Variants in WDR70 observed in about 807,000 individuals in gnomAD.
WDR70 encodes the protein WD repeat-containing protein 70.
In WDR70, 53 loss-of-function variants were observed where a neutral mutation model predicts 88.6. The ratio of observed to expected loss-of-function variants is 0.60; its 90% CI spans 0.48 to 0.75. The LOEUF (loss-of-function observed/expected upper bound fraction) is 0.75, where lower values mean the gene tolerates loss of function less well. WDR70 is among the 30% of genes least tolerant of loss of function. The probability of loss-of-function intolerance (pLI) is 0.00; values close to 1 mark genes in which losing one functional copy is unlikely to be tolerated. For synonymous variants in WDR70, 280 were observed against 270.0 expected, an observed-to-expected ratio of 1.04 and a Z score of -0.36; for missense variants, 610 against 823.2, an observed-to-expected ratio of 0.74 and a Z score of 3.17.
intron 9 of WDR70, among the ~76,000 whole-genome samples, chr5:37,582,986 C>T (rs1327783342): frequency 6.6e-6 from 1 of 152,226 alleles, no homozygotes; most frequent in Non-Finnish European, 1.5e-5. Flanking sequence ...CCTAGTAGTT[C>T]ATAGCCTCTG....
At chr5:37,447,488 G>A (rs554539833) in intron 7 of WDR70, among the ~76,000 whole-genome samples, 1 of 152,216 alleles carries the variant, frequency 6.6e-6, no homozygotes, top group African/African-American at 2.4e-5. Context: ...AAATGCACAC[G>A]TATGTTTATT....
intron 9 of WDR70, among the ~76,000 whole-genome samples, chr5:37,578,153 T>C (rs1160016177): frequency 6.6e-6 from 1 of 152,054 alleles, no homozygotes; most frequent in East Asian, 1.9e-4. Context: ...AGACAGAAAA[T>C]AAGGCTGCAT....
intron 5 of WDR70, among the ~76,000 whole-genome samples, chr5:37,423,791 T>C (rs1191011269): frequency 6.8e-6 from 1 of 147,478 alleles, no homozygotes; most frequent in African/African-American, 2.5e-5. Flanking sequence ...CTCAAACTCC[T>C]GACCTCGTGG....
intron 7 of WDR70, among the ~76,000 whole-genome samples, chr5:37,452,449 A>G (rs1210403323): frequency 6.6e-6 from 1 of 152,090 alleles, no homozygotes; most frequent in Non-Finnish European, 1.5e-5. Flanking sequence ...TATTTTTAGT[A>G]GAGACGTGGT....
chr5:37,495,789 AC>A (rs1183893261), intron 8 of WDR70, among the ~76,000 whole-genome samples: 3 of 152,178 alleles, frequency 2.0e-5, no homozygotes, highest in African/African-American at 7.2e-5. Flanking sequence ...ATCTGTTTAG[AC>A]CCATTTAAGA....
intron 15 of WDR70, chr5:37,724,378 A>G (rs1747908903): frequency 6.6e-6 from 1 of 152,264 alleles, no homozygotes; most frequent in Non-Finnish European, 1.5e-5. Flanking sequence ...TCCCCATGCC[A>G]AGAGATTTAG....
intron 8 of WDR70, among the ~76,000 whole-genome samples, chr5:37,483,824 C>T (rs1485748953): frequency 5.9e-5 from 9 of 152,078 alleles, no homozygotes; most frequent in Admixed American, 4.6e-4. Context: ...CAGAGGGGCT[C>T]CTCACTTCTC....
intron 8 of WDR70, among the ~76,000 whole-genome samples, chr5:37,483,246 G>GCGGCCTTC (rs1419530498): frequency 2.0e-5 from 3 of 151,856 alleles, no homozygotes; most frequent in South Asian, 4.2e-4. Context: ...AGAGGACCCT[G>GCGGCCTTC]CGGCCTTCCG....
intron 17 of WDR70, among the ~76,000 whole-genome samples, chr5:37,751,161 G>A (rs1035304940): frequency 1.3e-5 from 2 of 152,116 alleles, no homozygotes; most frequent in East Asian, 1.9e-4. Context: ...ATACCTAACT[G>A]GTCAGCATCT....
At chr5:37,593,666 G>T (rs975934487) in intron 9 of WDR70, among the ~76,000 whole-genome samples, 1 of 152,214 alleles carries the variant, frequency 6.6e-6, no homozygotes, top group African/African-American at 2.4e-5. Flanking sequence ...TATATACCCA[G>T]TAATGGGATC....
chr5:37,671,154 C>T (rs897025367), intron 10 of WDR70, among the ~76,000 whole-genome samples: 1 of 151,286 alleles, frequency 6.6e-6, no homozygotes, highest in African/African-American at 2.4e-5. Flanking sequence ...AACAGATTCC[C>T]AATGAGGAGA....
In WDR70 at chr5:37,722,921, C is replaced by G; in HGVS notation, c.1584C>G (p.Asp528Glu). 6.2e-7 allele frequency: 1 copy of G among 1,613,582 alleles called. No homozygotes were observed. The highest frequency in any genetic ancestry group is 8.5e-7 in the Non-Finnish European group (1 of 1,179,626). Residue 528 changes from aspartate to glutamate, a missense_variant, in exon 15 of 18, where the codon GAC becomes GAG. By Grantham distance (45) the Asp-to-Glu change is conservative. This residue lies in a region of WDR70 where 254 missense variants were observed against 300.7 expected (regional missense o/e 0.84). Coordinates refer to ENST00000265107, the MANE Select transcript of WDR70 (RefSeq NM_018034.4). The part of the protein sequence containing the change: ...KAKQAETLTQ[D>E]YIITPHALPM... ...AACAAGCTGAGACTCTAACTCAGGA[C>G]TACATCATCACCCGTAAGTCGTTAA...
chr5:37,704,513 AC>A (rs780383340), intron 13 of WDR70, among the ~76,000 whole-genome samples: 11 of 152,188 alleles, frequency 7.2e-5, no homozygotes, highest in African/African-American at 9.6e-5. Flanking sequence ...ATAATGTGAT[AC>A]ATTTTTGTTC....
intron 7 of WDR70, among the ~76,000 whole-genome samples, chr5:37,452,586 T>G (rs1317459287): frequency 6.6e-6 from 1 of 152,166 alleles, no homozygotes; most frequent in Non-Finnish European, 1.5e-5. Context: ...TCTGTTAACC[T>G]TTTAAATTAC....
chr5:37,697,036 C>G (rs1445677400), intron 10 of WDR70, among the ~76,000 whole-genome samples: 1 of 152,158 alleles, frequency 6.6e-6, no homozygotes, highest in Non-Finnish European at 1.5e-5. Context: ...CTCAGTTTCT[C>G]AAACTATAAA....
chr5:37,460,690 T>TAAA (rs70978819), intron 7 of WDR70, among the ~76,000 whole-genome samples: 1 of 121,576 alleles, frequency 8.2e-6, no homozygotes, highest in Non-Finnish European at 1.7e-5. Flanking sequence ...TAGAGTATAA[T>TAAA]AAAAAAAAAC....
chr5:37,547,675 C>T (rs188207250), intron 9 of WDR70, among the ~76,000 whole-genome samples: 29 of 152,074 alleles, frequency 1.9e-4, no homozygotes, highest in African/African-American at 5.8e-4. Flanking sequence ...CTTAAATGTA[C>T]GATTAAATGA....
intron 8 of WDR70, among the ~76,000 whole-genome samples, chr5:37,509,330 C>G (rs916148435): frequency 6.6e-6 from 1 of 151,690 alleles, no homozygotes; most frequent in Non-Finnish European, 1.5e-5. Flanking sequence ...TTGGGATTAC[C>G]TTTTTGACCC....
At chr5:37,384,893 C>A (rs150808218) in intron 3 of WDR70, among the ~76,000 whole-genome samples, 14,922 of 152,034 alleles carry the variant, frequency 0.098, 817 homozygotes, top group Admixed American at 0.15. Flanking sequence ...TGCCTGGAGA[C>A]TACCACAAGA....
Sources: allele counts gnomAD v4.1 joint callset (sites outside exome capture counted in the v4.1 genomes callset), GRCh38; gene constraint gnomAD v4.1.1; regional missense constraint gnomAD v4.1.1; transcripts MANE v1.5; gene names NCBI Gene and HGNC (gene_info 2026-07-23, HGNC 2026-07-21).